Variants in CSMD1 observed in about 807,000 individuals in gnomAD.
CSMD1 encodes the protein CUB and sushi domain-containing protein 1.
A neutral mutation model predicts 417.5 loss-of-function variants in CSMD1; 213 were observed. The ratio of observed to expected loss-of-function variants is 0.51; its 90% CI spans 0.46 to 0.57. The LOEUF is 0.57. Ranked by LOEUF, CSMD1 falls within the 20% of genes least tolerant of loss-of-function variation. The pLI, the probability that CSMD1 is intolerant of heterozygous loss-of-function variation, is 0.00. For missense variants in CSMD1, 6,923 were observed against 4,529.7 expected (o/e 1.53, Z -15.17); for synonymous variants, 2,862 against 1,736.8 (o/e 1.65, Z -16.11).
rs142046540 is a variant in CSMD1 at position 4,638,088 on chromosome 8, G to C, written c.86-530C>G. ...ATTAAAAGAAAATATGCAACATTTT[G>C]TAACTAATATTAGAAGTTTAGGGAA... is the stretch of plus-strand genomic sequence containing the variant. On this transcript the variant is annotated intron_variant, in intron 1 of 69. Coordinates refer to ENST00000635120, the MANE Select transcript of CSMD1 (RefSeq NM_033225.6). 3.7e-4 allele frequency among the ~76,000 whole-genome samples: 56 copies of C among 152,312 alleles called. No individual in the cohort carries two copies. The East Asian group carries it at 0.011, about 29-fold the overall frequency.
At chr8:4,537,275 C>T (rs1585219907) in intron 2 of CSMD1, among the ~76,000 whole-genome samples, 1 of 152,026 alleles carries the variant, frequency 6.6e-6, no homozygotes, top group South Asian at 2.1e-4. Flanking sequence ...AATAAATTAT[C>T]CATCTGGTAA....
intron 3 of CSMD1, among the ~76,000 whole-genome samples, chr8:4,392,147 C>A (rs79015160): frequency 2.0e-5 from 3 of 152,202 alleles, no homozygotes; most frequent in Non-Finnish European, 2.9e-5. Context: ...TTGCTGACCA[C>A]TGAAACTGTC....
chr8:3,545,676 G>C (rs1341131847), intron 10 of CSMD1, among the ~76,000 whole-genome samples: 1 of 152,176 alleles, frequency 6.6e-6, no homozygotes, highest in African/African-American at 2.4e-5. Flanking sequence ...ACTGCCTTTG[G>C]CAAAATTGAG....
At chr8:3,584,086 T>G (rs1254389727) in intron 9 of CSMD1, among the ~76,000 whole-genome samples, 1 of 152,170 alleles carries the variant, frequency 6.6e-6, no homozygotes, top group African/African-American at 2.4e-5. Flanking sequence ...AAATTAAGTT[T>G]ATTACTTCAA....
At chr8:4,676,884 A>G (rs1805720374) in intron 1 of CSMD1, among the ~76,000 whole-genome samples, 1 of 150,322 alleles carries the variant, frequency 6.7e-6, no homozygotes, top group Non-Finnish European at 1.5e-5. Context: ...TTTTATATAT[A>G]GAGAGAGATT....
intron 2 of CSMD1, among the ~76,000 whole-genome samples, chr8:4,498,947 T>A (rs1015467284): frequency 1.3e-5 from 2 of 152,186 alleles, no homozygotes; most frequent in African/African-American, 4.8e-5. Flanking sequence ...GGCCAGTGGT[T>A]CTATACAAAC....
rs746370919 is a variant in CSMD1, at chr8:3,189,977, G to A, written c.5333C>T (p.Ala1778Val). The A allele has an allele frequency of 4.4e-6, 7 of 1,598,438 alleles. No homozygotes were observed. Among genetic ancestry groups the A allele is most frequent in the Admixed American group, 1.7e-5 (1 of 57,844 alleles). ...GTTGGGCACGGACTGGCAGTGGAGCGCCGTGGAACCCTGAAGCAGGTATCC... is the reference window on the plus strand; with the variant it reads ...GTTGGGCACGGACTGGCAGTGGAGCACCGTGGAACCCTGAAGCAGGTATCC... ...NPGYLLQGST[A>V]LHCQSVPNAL... The change falls in exon 34 of 70, where the codon GCG becomes GTG. Residue 1778 changes from alanine (A) to valine (V), a missense_variant. Transcript: ENST00000635120.
intron 3 of CSMD1, among the ~76,000 whole-genome samples, chr8:4,117,417 G>C (rs1356070679): frequency 6.6e-6 from 1 of 152,000 alleles, no homozygotes; most frequent in African/African-American, 2.4e-5. Flanking sequence ...CCTGCCGCAA[G>C]GTAAATACAA....
intron 3 of CSMD1, among the ~76,000 whole-genome samples, chr8:4,345,926 C>T (rs1004993768): frequency 4.6e-5 from 7 of 152,072 alleles, no homozygotes; most frequent in African/African-American, 1.7e-4. Context: ...AAGGGAGGGG[C>T]TTTTCTTCCT....
chr8:4,899,574 C>A (rs1804729529), intron 1 of CSMD1, among the ~76,000 whole-genome samples: 1 of 152,110 alleles, frequency 6.6e-6, no homozygotes, highest in African/African-American at 2.4e-5. Context: ...GATCTGGACA[C>A]TGAAAGTCAA....
At chr8:4,610,321 C>T (rs769682704) in intron 2 of CSMD1, among the ~76,000 whole-genome samples, 2 of 152,170 alleles carry the variant, frequency 1.3e-5, no homozygotes, top group Admixed American at 6.5e-5. Context: ...GTATTAAATT[C>T]AACATATCAA....
chr8:4,501,907 C>A (rs1420633606), intron 2 of CSMD1, among the ~76,000 whole-genome samples: 1 of 152,092 alleles, frequency 6.6e-6, no homozygotes, highest in African/African-American at 2.4e-5. Context: ...TATGAGGAAT[C>A]TACTGGGGGT....
chr8:4,988,930 G>T (rs953258961), intron 1 of CSMD1, among the ~76,000 whole-genome samples: 3 of 152,048 alleles, frequency 2.0e-5, no homozygotes, highest in Non-Finnish European at 2.9e-5. Flanking sequence ...CCTGTAAAGG[G>T]AATTTTAATT....
chr8:4,471,520 G>C (rs538180409), intron 2 of CSMD1, among the ~76,000 whole-genome samples: 2 of 152,094 alleles, frequency 1.3e-5, no homozygotes, highest in Admixed American at 6.6e-5. Context: ...GTCACAGGAC[G>C]GCACTTCTGC....
intron 26 of CSMD1, among the ~76,000 whole-genome samples, chr8:3,239,659 A>T (rs927325635): frequency 6.6e-6 from 1 of 152,348 alleles, no homozygotes; most frequent in South Asian, 2.1e-4. Flanking sequence ...TATGATGGAA[A>T]GGAAATGAGA....
chr8:3,709,059 G>T (rs1265122037), intron 6 of CSMD1, among the ~76,000 whole-genome samples: 1 of 152,070 alleles, frequency 6.6e-6, no homozygotes, highest in African/African-American at 2.4e-5. Flanking sequence ...CTGTGCAAAA[G>T]GCACAGAGGT....
chr8:4,190,581 T>G (rs995403119), intron 3 of CSMD1, among the ~76,000 whole-genome samples: 1 of 151,732 alleles, frequency 6.6e-6, no homozygotes, highest in Non-Finnish European at 1.5e-5. Flanking sequence ...TGATGATCTA[T>G]TCCCATGTTT....
chr8:4,228,745 G>A (rs372511870), intron 3 of CSMD1, among the ~76,000 whole-genome samples: 2 of 151,986 alleles, frequency 1.3e-5, no homozygotes, highest in South Asian at 2.1e-4. Context: ...GTGCAGTGGT[G>A]GGATCTTAGC....
At chr8:4,837,717 T>C (rs894228474) in intron 1 of CSMD1, among the ~76,000 whole-genome samples, 3 of 152,082 alleles carry the variant, frequency 2.0e-5, no homozygotes, top group Admixed American at 6.6e-5. Flanking sequence ...GTGACTATAG[T>C]CAGTAATAAC....
Sources: gnomAD v4.1 joint callset for allele counts (sites outside exome capture counted in the v4.1 genomes callset) on GRCh38, gnomAD v4.1.1 for gene constraint, MANE v1.5 for transcripts, NCBI Gene and HGNC (gene_info 2026-07-23, HGNC 2026-07-21) for gene names.